The following OSBPL10 variants were observed in gnomAD, a reference collection of about 807,000 sequenced individuals.
OSBPL10 encodes the protein oxysterol binding protein like 10.
In OSBPL10, 49 loss-of-function variants were observed where a neutral mutation model predicts 81.7. That is an observed-to-expected ratio of 0.60 (90% CI 0.48 to 0.76). The LOEUF is 0.76. Among genes scored for constraint, OSBPL10 ranks in the 30% least tolerant of loss-of-function variants. The probability of loss-of-function intolerance (pLI) is 0.00; values close to 1 mark genes in which losing one functional copy is unlikely to be tolerated. For synonymous variants in OSBPL10, 419 were observed against 383.6 expected (o/e 1.09, Z -1.08); for missense variants, 923 against 987.8 (o/e 0.93, Z 0.88).
At chr3:31,790,706 AATTTGAGAG>A (rs1207367375) in intron 4 of OSBPL10, among the ~76,000 whole-genome samples, 55 of 152,300 alleles carry the variant, frequency 3.6e-4, no homozygotes, top group African/African-American at 1.3e-3. Context: ...TGAATTATAA[AATTTGAGAG>A]CTTCAACCAC....
At chr3:31,970,689 T>C (rs1161247383) in intron 1 of OSBPL10, among the ~76,000 whole-genome samples, 5 of 152,236 alleles carry the variant, frequency 3.3e-5, no homozygotes, top group Admixed American at 2.0e-4. Flanking sequence ...ATACGTAAAG[T>C]GTCTGATGCT....
chr3:32,001,163 C>T (rs1449485116), intron 2 of OSBPL10, among the ~76,000 whole-genome samples: 1 of 152,192 alleles, frequency 6.6e-6, no homozygotes, highest in Non-Finnish European at 1.5e-5. Flanking sequence ...TAAGCTCCCT[C>T]ATTGTTTCAG....
chr3:31,714,242 C>G (rs2125622664), intron 6 of OSBPL10, among the ~76,000 whole-genome samples: 1 of 152,316 alleles, frequency 6.6e-6, no homozygotes, highest in South Asian at 2.1e-4. Context: ...ACGTAAGGCT[C>G]TGTGTTAGGC....
At position 32,061,670 on chromosome 3, in the gene OSBPL10, C is replaced by T. The variant is rs1182846991; in HGVS notation, n.186-15067G>A. Among the ~76,000 whole-genome samples, 4 of 93,284 alleles carry T rather than the reference C, an allele frequency of 4.3e-5. 2 individuals are homozygous for T. The highest frequency in any genetic ancestry group is 1.1e-4 in the Non-Finnish European group (4 of 34,832). The allele number at this position is 93,284 out of a possible 152,430, so 61.2% of individuals were successfully genotyped here. A position where few individuals can be genotyped will look rare whatever the true frequency, so the allele number is the denominator to read the frequency against. The stretch of plus-strand genomic sequence containing the variant: ...TTGTTTTTTAAGACAGGGTCTCAGT[C>T]TGTGGCCCAGGCTGGAGTACAGTGG... On this transcript the variant is annotated intron_variant and non_coding_transcript_variant, in intron 1 of 3. Transcript: ENST00000479173.
chr3:31,855,586 A>AG (rs1700888730), intron 3 of OSBPL10, among the ~76,000 whole-genome samples: 1 of 152,202 alleles, frequency 6.6e-6, no homozygotes, highest in Non-Finnish European at 1.5e-5. Flanking sequence ...TCCAGGGTCC[A>AG]GTACTATATC....
intron 1 of OSBPL10, among the ~76,000 whole-genome samples, chr3:32,048,537 C>A (rs1269531192): frequency 1.3e-5 from 2 of 152,078 alleles, no homozygotes; most frequent in East Asian, 1.9e-4. Flanking sequence ...AAACTCCTGA[C>A]CTCAGGTGAT....
intron 1 of OSBPL10, among the ~76,000 whole-genome samples, chr3:31,895,816 AACAAACTAT>A (rs1346653589): frequency 1.3e-5 from 2 of 152,240 alleles, no homozygotes; most frequent in Non-Finnish European, 2.9e-5. Context: ...GGGCAAGAGC[AACAAACTAT>A]ATAAATTCTA....
intron 2 of OSBPL10, among the ~76,000 whole-genome samples, chr3:32,035,232 T>C (rs1699506017): frequency 6.6e-6 from 1 of 152,026 alleles, no homozygotes; most frequent in African/African-American, 2.4e-5. Flanking sequence ...AAAATGTACT[T>C]TATAGAAAAA....
At chr3:31,937,502 G>C (rs1697409537) in intron 1 of OSBPL10, among the ~76,000 whole-genome samples, 1 of 152,096 alleles carries the variant, frequency 6.6e-6, no homozygotes, top group Admixed American at 6.5e-5. Context: ...GAGAAGACTG[G>C]CTCCTCCTAG....
At chr3:32,012,938 T>C (rs1042264253) in intron 2 of OSBPL10, among the ~76,000 whole-genome samples, 20 of 152,138 alleles carry the variant, frequency 1.3e-4, no homozygotes, top group African/African-American at 4.6e-4. Context: ...CCCAGATTCA[T>C]AAAGCAAGTC....
intron 4 of OSBPL10, among the ~76,000 whole-genome samples, chr3:31,818,852 C>A (rs1699914350): frequency 6.6e-6 from 1 of 152,208 alleles, no homozygotes; most frequent in South Asian, 2.1e-4. Context: ...ACAAAACTCA[C>A]TGAACTGGTC....
intron 1 of OSBPL10, among the ~76,000 whole-genome samples, chr3:32,048,256 G>A (rs913447104): frequency 6.7e-6 from 1 of 149,948 alleles, no homozygotes; most frequent in African/African-American, 2.5e-5. Flanking sequence ...CAAGACCCCT[G>A]TTCCTAAAAT....
chr3:32,051,723 C>T (rs7611545), intron 1 of OSBPL10, among the ~76,000 whole-genome samples: 116,363 of 152,084 alleles, frequency 0.77, 45,187 homozygotes, highest in East Asian at 1. Context: ...AGTAATCCAA[C>T]TAAGAAACTA....
intron 1 of OSBPL10, among the ~76,000 whole-genome samples, chr3:31,883,528 G>GTTT (rs758735127): frequency 2.3e-5 from 3 of 129,606 alleles, no homozygotes; most frequent in African/African-American, 8.9e-5. Context: ...GCATGAGCCT[G>GTTT]TTTTTTTTTT....
At chr3:31,726,456 G>A (rs3792545) in intron 6 of OSBPL10, among the ~76,000 whole-genome samples, 14,793 of 150,800 alleles carry the variant, frequency 0.098, 1,785 homozygotes, top group African/African-American at 0.29. Context: ...AGCTGGGATT[G>A]TAGGCACCCA....
intron 4 of OSBPL10, among the ~76,000 whole-genome samples, chr3:31,802,434 C>T (rs1369836335): frequency 1.3e-5 from 2 of 149,366 alleles, no homozygotes; most frequent in Admixed American, 6.7e-5. Context: ...GGCATGGTGG[C>T]GGGCACCTGT....
At chr3:32,000,448 C>G (rs909272303) in intron 2 of OSBPL10, among the ~76,000 whole-genome samples, 22 of 152,198 alleles carry the variant, frequency 1.4e-4, no homozygotes, top group African/African-American at 5.3e-4. Flanking sequence ...GAAGATCACC[C>G]CACCACACCA....
intron 2 of OSBPL10, among the ~76,000 whole-genome samples, chr3:32,013,176 T>C (rs1320585129): frequency 6.6e-6 from 1 of 152,094 alleles, no homozygotes; most frequent in African/African-American, 2.4e-5. Flanking sequence ...TATTCCAAAA[T>C]TGACCACATA....
At chr3:31,961,520 G>C (rs1698159441) in intron 1 of OSBPL10, among the ~76,000 whole-genome samples, 1 of 152,174 alleles carries the variant, frequency 6.6e-6, no homozygotes, top group South Asian at 2.1e-4. Flanking sequence ...TTTAGAGAGT[G>C]TGTGTGTTAA....
Sources: gnomAD v4.1 joint callset for allele counts (sites outside exome capture counted in the v4.1 genomes callset) on GRCh38, gnomAD v4.1.1 for gene constraint, MANE v1.5 for transcripts, NCBI Gene and HGNC (gene_info 2026-07-23, HGNC 2026-07-21) for gene names.